CLSPN: variants seen among roughly 807,000 people sequenced by gnomAD.
CLSPN encodes claspin homolog.
Under a neutral mutation model 156.3 loss-of-function variants are expected in CLSPN, and 85 were observed. The ratio of observed to expected loss-of-function variants is 0.54; its 90% CI spans 0.46 to 0.65. The LOEUF (loss-of-function observed/expected upper bound fraction) is 0.65. Among genes scored for constraint, CLSPN ranks in the 30% least tolerant of loss-of-function variants. CLSPN has a pLI of 0.00. For missense variants in CLSPN, 1,407 were observed against 1,554.9 expected (o/e 0.90, Z 1.60); for synonymous variants, 534 against 542.4 (o/e 0.98, Z 0.22).
Position 35,751,459 on chromosome 1 carries a change from G to A in CLSPN, c.1819C>T (p.Leu607Phe). The A allele has an allele frequency of 6.2e-7, 1 of 1,614,028 alleles. No individual in the cohort carries two copies. Reference sequence around the variant, plus strand: ...TTCTGGCGCTCCTCAAACCTTCGGAGTTTCATTGCTTCTTGCAGTTTAGCT... The same window carrying A: ...TTCTGGCGCTCCTCAAACCTTCGGAATTTCATTGCTTCTTGCAGTTTAGCT... ...LKAKLQEAMK[L>F]RRFEERQKRQ... The change falls in exon 10 of 25, where the codon CTC (leucine) becomes TTC (phenylalanine). Residue 607 changes from leucine (L) to phenylalanine (F), a missense_variant. Coordinates refer to ENST00000318121, the MANE Select transcript of CLSPN (RefSeq NM_022111.4).
rs1031132372 is a variant in CLSPN, at chr1:35,751,349, C to T, written c.1929G>A (p.Glu643=). 5.6e-6 allele frequency: 9 copies of T among 1,600,764 alleles called. No homozygotes were observed. The highest frequency in any genetic ancestry group is 6.8e-6 in the Non-Finnish European group (8 of 1,170,726). ...TCTCTACCTTCTCTTCTCCATCTTC[C>T]TCAGACTCATCTGTCATTTCTTCCT... ...EEEEEMTDES[E]EDGEEKVEKE... The change falls in exon 10 of 25, where the codon GAG becomes GAA. Residue 643 remains glutamate (E), a synonymous_variant. Transcript: ENST00000318121.
downstream of CLSPN, among the ~76,000 whole-genome samples, chr1:35,728,077 C>CTTTTTTT (rs59275877): frequency 1.3e-4 from 14 of 103,982 alleles, no homozygotes; most frequent in Non-Finnish European, 1.3e-4. Flanking sequence ...AAACCACAAG[C>CTTTTTTT]TTTTTTTTTT....
Position 35,732,381 on chromosome 1 carries a change from G to A in CLSPN, c.*4115C>T. ...CCCCCTAAAAAGTCTCCCAGCCTGA[G>A]CATTAGAAACTCTCAAAGTGAGGAG... On this transcript the variant is annotated 3_prime_UTR_variant, in exon 25 of 25. Coordinates refer to ENST00000318121, the MANE Select transcript of CLSPN (RefSeq NM_022111.4). 1 of 985,392 alleles carries A rather than the reference G, an allele frequency of 1.0e-6. No individual in the cohort carries two copies. The highest frequency in any genetic ancestry group is 1.2e-6 in the Non-Finnish European group (1 of 829,922). 61.0% of individuals were successfully genotyped at this position (985,392 alleles called of 1,614,324 possible). A position where few individuals can be genotyped will look rare whatever the true frequency, so the allele number is the denominator to read the frequency against.
At chr1:35,751,026 C>T (rs958080181) in intron 10 of CLSPN, among the ~76,000 whole-genome samples, 2 of 151,118 alleles carry the variant, frequency 1.3e-5, no homozygotes, top group African/African-American at 4.9e-5. Context: ...CTGTCAGTAC[C>T]ACTGAATATC....
chr1:35,724,343 A>C (rs1290766729), intron 24 of CLSPN, among the ~76,000 whole-genome samples: 1 of 152,148 alleles, frequency 6.6e-6, no homozygotes, highest in Admixed American at 6.5e-5. Context: ...TGAGTTCAGG[A>C]AACACCCCGT....
chr1:35,763,129 T>G (rs755872866), intron 4 of CLSPN, 31 bp downstream of exon 4: 3 of 1,487,498 alleles, frequency 2.0e-6, no homozygotes, highest in East Asian at 2.5e-5. Flanking sequence ...AAGCAGTTGA[T>G]TAACTCTTAT....
In CLSPN at chr1:35,738,563, G is replaced by A; in HGVS notation, c.3450C>T (p.Asp1150=). Residue 1150 remains aspartate, a synonymous_variant, in exon 21 of 25, where the codon GAC becomes GAT. Coordinates refer to ENST00000318121, the MANE Select transcript of CLSPN (RefSeq NM_022111.4). ...WKNIDDASQM[D]LFHRDSDDDQ... Reference sequence around the variant, plus strand: ...CATCATCAGAGTCTCTGTGGAACAAGTCCATCTGGGAAGCATCATCTAAAC... The same window carrying A: ...CATCATCAGAGTCTCTGTGGAACAAATCCATCTGGGAAGCATCATCTAAAC... 3 of 1,613,960 alleles carry A rather than the reference G, an allele frequency of 1.9e-6. No individual in the cohort carries two copies. Among genetic ancestry groups the A allele is most frequent in the Non-Finnish European group, 2.5e-6 (3 of 1,179,924 alleles).
downstream of CLSPN, among the ~76,000 whole-genome samples, chr1:35,730,705 A>C (rs1193844275): frequency 6.6e-6 from 1 of 151,356 alleles, no homozygotes; most frequent in Non-Finnish European, 1.5e-5. Context: ...TCTATCAAAA[A>C]TACAAAAATT....
downstream of CLSPN, among the ~76,000 whole-genome samples, chr1:35,730,692 G>A (rs551802734): frequency 8.7e-5 from 13 of 149,110 alleles, no homozygotes; most frequent in South Asian, 2.1e-4. Context: ...CACCTTCCCC[G>A]TCTCTATCAA....
downstream of CLSPN, among the ~76,000 whole-genome samples, chr1:35,731,768 CA>C (rs1202552152): frequency 1.3e-5 from 2 of 152,108 alleles, no homozygotes; most frequent in African/African-American, 2.4e-5. Flanking sequence ...TCCAGATTTC[CA>C]GTCTGAGTGA....
At chr1:35,757,760 G>A (rs1211739835) in intron 8 of CLSPN, among the ~76,000 whole-genome samples, 1 of 152,134 alleles carries the variant, frequency 6.6e-6, no homozygotes, top group Non-Finnish European at 1.5e-5. Context: ...TTTGCTAATG[G>A]AGCTATGCTA....
rs1417566624 is a variant in CLSPN at position 35,769,936 on chromosome 1, G to A, written c.-66C>T. 4 of 1,577,466 alleles carry A rather than the reference G, an allele frequency of 2.5e-6. No individual in the cohort carries two copies. The highest frequency in any genetic ancestry group is 3.5e-6 in the Non-Finnish European group (4 of 1,155,480). ...CTCTGATTCCCTCAGCCGGAGAGCA[G>A]CGGCTCCCGCCGTCTCCAGCCCAGC... On this transcript the variant is annotated 5_prime_UTR_variant, in exon 1 of 25. Transcript: ENST00000318121.
Position 35,769,963 on chromosome 1 carries a change from G to A in CLSPN, c.-93C>T. The A allele has an allele frequency of 6.7e-7, 1 of 1,488,954 alleles. No individual in the cohort carries two copies. Among genetic ancestry groups the A allele is most frequent in the South Asian group, 1.2e-5 (1 of 85,484 alleles). 92.2% of individuals were successfully genotyped at this position (1,488,954 alleles called of 1,614,324 possible). On this transcript the variant is annotated 5_prime_UTR_variant, in exon 1 of 25. Transcript: ENST00000318121. ...GGCTCCCGCCGTCTCCAGCCCAGCA[G>A]TGCTGTTCTTGCTTTCCCGCCCAGC...
intron 24 of CLSPN, among the ~76,000 whole-genome samples, chr1:35,726,502 A>G (rs1043561673): frequency 3.9e-5 from 6 of 152,182 alleles, no homozygotes; most frequent in African/African-American, 1.4e-4. Context: ...CGGTTTCAAG[A>G]AGTCAAATTG....
intron 14 of CLSPN, 96 bp from the exon 15 acceptor site, chr1:35,747,088 C>A: frequency 1.2e-6 from 1 of 847,442 alleles, no homozygotes; most frequent in Non-Finnish European, 1.9e-6. Flanking sequence ...TTCGGGAGGC[C>A]GAGGCGGGCG....
intron 1 of CLSPN, among the ~76,000 whole-genome samples, chr1:35,768,934 T>A (rs954412722): frequency 1.3e-5 from 2 of 152,148 alleles, no homozygotes; most frequent in African/African-American, 4.8e-5. Flanking sequence ...ATGCAATATT[T>A]TTTAAAAAAT....
intron 1 of CLSPN, among the ~76,000 whole-genome samples, chr1:35,769,549 A>G (rs983864292): frequency 6.6e-6 from 1 of 152,178 alleles, no homozygotes; most frequent in African/African-American, 2.4e-5. Flanking sequence ...GCCAAAGGGG[A>G]GGGCTGGCGG....
chr1:35,732,501 T>C lies in CLSPN; in HGVS notation c.*3995A>G. The C allele has an allele frequency of 2.0e-6, 2 of 985,448 alleles. No individual in the cohort carries two copies. The highest frequency in any genetic ancestry group is 1.2e-6 in the Non-Finnish European group (1 of 829,930). The allele number at this position is 985,448 out of a possible 1,614,324, so 61.0% of individuals were successfully genotyped here. ...TTGGTGAATAAAATCTTATGGTTTA[T>C]GGAAGAGACCCTAGTATGGCTGTGC... On this transcript the variant is annotated 3_prime_UTR_variant, in exon 25 of 25. Coordinates refer to ENST00000318121, the MANE Select transcript of CLSPN (RefSeq NM_022111.4).
At position 35,726,152 on chromosome 1, in the gene CLSPN, CAA is replaced by C. The variant is rs3041363; in HGVS notation, c.3910-5174_3910-5173del. ...ACACACCCATAGAAACAGATGCAGA[CAA>C]AAAAAAAAAAAAAAAAAAAAAGCGC... On this transcript the variant is annotated intron_variant, in intron 24 of 24. Coordinates refer to the CLSPN transcript ENST00000251195. Among the ~76,000 whole-genome samples the C allele has an allele frequency of 2.4e-3, 115 of 48,198 alleles. 1 individual carries two copies. The Admixed American group carries it at 0.03, about 13-fold the overall frequency. The allele number at this position is 48,198 out of a possible 152,430, so 31.6% of individuals were successfully genotyped here. A position where few individuals can be genotyped will look rare whatever the true frequency, so the allele number is the denominator to read the frequency against.
Sources: allele counts gnomAD v4.1 joint callset (sites outside exome capture counted in the v4.1 genomes callset), GRCh38; gene constraint gnomAD v4.1.1; transcripts MANE v1.5; gene names NCBI Gene and HGNC (gene_info 2026-07-23, HGNC 2026-07-21).